Variants in MAF observed in about 807,000 individuals in gnomAD.
The protein encoded by MAF is MAF bZIP transcription factor.
In MAF, 10 loss-of-function variants were observed where a neutral mutation model predicts 22.0. That is an observed-to-expected ratio of 0.45 (90% confidence interval 0.28 to 0.77). The LOEUF is 0.77. MAF is among the 30% of genes least tolerant of loss of function. MAF has a pLI of 0.12. For missense variants in MAF, 544 were observed against 548.4 expected, an observed-to-expected ratio of 0.99 and a Z score of 0.08; for synonymous variants, 337 against 255.8, an observed-to-expected ratio of 1.32 and a Z score of -3.03.
chr16:79,564,409 T>A, the MAF span, among the ~76,000 whole-genome samples: 1 of 152,200 alleles, frequency 6.6e-6, no homozygotes, highest in Non-Finnish European at 1.5e-5. Context: ...GTCAACAGTG[T>A]CAACTGGGGA....
downstream of MAF, among the ~76,000 whole-genome samples, chr16:79,582,276 C>T (rs1912567053): frequency 6.6e-6 from 1 of 152,152 alleles, no homozygotes; most frequent in Non-Finnish European, 1.5e-5. Context: ...CATCTGTGAA[C>T]GGCGGCAGTA....
At chr16:79,243,490 C>A in the MAF span, among the ~76,000 whole-genome samples, 1 of 152,024 alleles carries the variant, frequency 6.6e-6, no homozygotes, top group Non-Finnish European at 1.5e-5. Context: ...TTCCTGGACA[C>A]ATACACCCTC....
chr16:79,271,205 C>G, the MAF span, among the ~76,000 whole-genome samples: 3 of 152,038 alleles, frequency 2.0e-5, no homozygotes, highest in Non-Finnish European at 4.4e-5. Context: ...CGTGAGCCAC[C>G]GCACCCAGCC....
the MAF span, among the ~76,000 whole-genome samples, chr16:79,305,849 T>C: frequency 6.6e-6 from 1 of 152,148 alleles, no homozygotes; most frequent in Non-Finnish European, 1.5e-5. Flanking sequence ...TGCCAGACCA[T>C]TTCTGTAGCT....
chr16:79,354,179 G>A, the MAF span, among the ~76,000 whole-genome samples: 10 of 151,870 alleles, frequency 6.6e-5, no homozygotes, highest in Non-Finnish European at 1.3e-4. Context: ...TTTCAGTAGA[G>A]ATAGAGTTTT....
the MAF span, among the ~76,000 whole-genome samples, chr16:79,230,288 G>A: frequency 6.6e-6 from 1 of 152,100 alleles, no homozygotes; most frequent in Non-Finnish European, 1.5e-5. Flanking sequence ...GCTAAGGCAG[G>A]CTGCTTCTGT....
the MAF span, among the ~76,000 whole-genome samples, chr16:79,294,957 G>T: frequency 1.3e-5 from 2 of 152,164 alleles, no homozygotes; most frequent in African/African-American, 4.8e-5. Flanking sequence ...TCACAGTTCT[G>T]CAAAGATAGG....
chr16:79,404,382 T>G, the MAF span, among the ~76,000 whole-genome samples: 1 of 152,118 alleles, frequency 6.6e-6, no homozygotes, highest in South Asian at 2.1e-4. Flanking sequence ...CAGGATAGTC[T>G]CGATCTCTTG....
the MAF span, among the ~76,000 whole-genome samples, chr16:79,514,696 T>A: frequency 5.3e-5 from 8 of 152,166 alleles, no homozygotes; most frequent in Non-Finnish European, 1.0e-4. Flanking sequence ...TCTCCATCCT[T>A]CTCTATCCAA....
At chr16:79,368,121 G>T in the MAF span, among the ~76,000 whole-genome samples, 2 of 152,218 alleles carry the variant, frequency 1.3e-5, no homozygotes, top group East Asian at 3.9e-4. Context: ...CAGGAAGAGA[G>T]GATCTTTGGC....
chr16:79,566,643 G>C, the MAF span, among the ~76,000 whole-genome samples: 2 of 152,126 alleles, frequency 1.3e-5, no homozygotes, highest in Non-Finnish European at 2.9e-5. Context: ...AGGTTCAAGA[G>C]CAAAGTGTAA....
the MAF span, among the ~76,000 whole-genome samples, chr16:79,472,265 G>A: frequency 6.6e-6 from 1 of 152,074 alleles, no homozygotes; most frequent in Non-Finnish European, 1.5e-5. Context: ...TTCCACTCCT[G>A]GGAATCTACC....
the MAF span, among the ~76,000 whole-genome samples, chr16:79,441,436 A>G: frequency 6.6e-6 from 1 of 152,228 alleles, no homozygotes; most frequent in South Asian, 2.1e-4. Context: ...ACACCTCCCA[A>G]GGCAACCACT....
the MAF span, among the ~76,000 whole-genome samples, chr16:79,219,259 T>C: frequency 6.6e-5 from 10 of 152,318 alleles, no homozygotes; most frequent in East Asian, 1.9e-3. Flanking sequence ...TACTTTGGAA[T>C]TGTGACAATG....
the MAF span, among the ~76,000 whole-genome samples, chr16:79,545,772 C>T: frequency 6.6e-6 from 1 of 151,932 alleles, no homozygotes; most frequent in Non-Finnish European, 1.5e-5. Flanking sequence ...AGATGTTTTT[C>T]AAAGGACATA....
chr16:79,282,162 G>A, the MAF span, among the ~76,000 whole-genome samples: 1 of 152,086 alleles, frequency 6.6e-6, no homozygotes, highest in Non-Finnish European at 1.5e-5. Context: ...TTAGCCTAGT[G>A]CCATGAGTTC....
At chr16:79,506,910 C>A in the MAF span, among the ~76,000 whole-genome samples, 1 of 152,032 alleles carries the variant, frequency 6.6e-6, no homozygotes, top group Admixed American at 6.6e-5. Flanking sequence ...GGGTTGAAAC[C>A]AAAGAAATGC....
the MAF span, among the ~76,000 whole-genome samples, chr16:79,486,834 A>G: frequency 6.6e-6 from 1 of 152,222 alleles, no homozygotes; most frequent in African/African-American, 2.4e-5. Context: ...TACGTGTTTG[A>G]GAAATAAAGT....
At chr16:79,481,843 A>G in the MAF span, among the ~76,000 whole-genome samples, 1 of 152,224 alleles carries the variant, frequency 6.6e-6, no homozygotes, top group African/African-American at 2.4e-5. Context: ...AGAAGCCTCC[A>G]TCTGGGTAGG....
Sources: allele counts gnomAD v4.1 joint callset (sites outside exome capture counted in the v4.1 genomes callset), GRCh38; gene constraint gnomAD v4.1.1; transcripts MANE v1.5; gene names NCBI Gene and HGNC (gene_info 2026-07-23, HGNC 2026-07-21).